PCDHA2: variants seen among roughly 807,000 people sequenced by gnomAD.
The protein encoded by PCDHA2 is protocadherin alpha 2, also known as protocadherin alpha-2.
Under a neutral mutation model 66.0 loss-of-function variants are expected in PCDHA2, and 58 were observed. That is an observed-to-expected ratio of 0.88 (90% CI 0.71 to 1.09). PCDHA2 has a LOEUF of 1.09. PCDHA2 is among the 50% of genes least tolerant of loss of function. The pLI is 0.00. For missense variants in PCDHA2, 1,267 were observed against 1,242.3 expected (o/e 1.02, Z -0.30); for synonymous variants, 634 against 554.0 (o/e 1.14, Z -2.03).
At chr5:140,843,318 T>C (rs2150190993) in intron 1 of PCDHA2, 3 of 1,596,010 alleles carry the variant, frequency 1.9e-6, no homozygotes, top group East Asian at 2.2e-5. Flanking sequence ...GCCACGGTTC[T>C]GGTGTCGCTG....
At chr5:140,871,735 A>T in intron 1 of PCDHA2, 1 of 686,792 alleles carries the variant, frequency 1.5e-6, no homozygotes, top group Non-Finnish European at 2.3e-6. Context: ...TTTGGTTAGC[A>T]AATCCTAAAA....
chr5:140,968,886 A>T, intron 1 of PCDHA2: 1 of 1,614,186 alleles, frequency 6.2e-7, no homozygotes, highest in Non-Finnish European at 8.5e-7. Flanking sequence ...ATTACCCTTT[A>T]TCTAATAATA....
At chr5:140,910,311 A>G (rs928675389) in intron 1 of PCDHA2, among the ~76,000 whole-genome samples, 4 of 152,224 alleles carry the variant, frequency 2.6e-5, no homozygotes, top group African/African-American at 9.6e-5. Context: ...AGAGATCTAC[A>G]TGAGTCAGAC....
At chr5:140,883,390 G>T (rs373348994) in intron 1 of PCDHA2, 4 of 1,614,050 alleles carry the variant, frequency 2.5e-6, no homozygotes, top group East Asian at 4.5e-5. Context: ...TAATCAGTGT[G>T]TCCGATCGTG....
chr5:140,812,838 T>A (rs2126642140), intron 1 of PCDHA2: 1 of 152,368 alleles, frequency 6.6e-6, no homozygotes, highest in East Asian at 1.9e-4. Context: ...TTTGTTTATC[T>A]TAACATATTT....
At position 140,796,413 on chromosome 5, in the gene PCDHA2, C is replaced by A. The variant is rs1762079231; in HGVS notation, c.1449C>A (p.Asp483Glu). ...HIFTVSAWDA[D>E]AQENALVSYS... Reference sequence around the variant, plus strand: ...TCACGGTGTCAGCGTGGGATGCGGACGCGCAGGAGAACGCGCTGGTGTCCT... The same window carrying A: ...TCACGGTGTCAGCGTGGGATGCGGAAGCGCAGGAGAACGCGCTGGTGTCCT... The change falls in exon 1 of 4, where the codon GAC becomes GAA. Residue 483 changes from aspartate to glutamate, a missense_variant. Transcript: ENST00000526136. 1 of 1,613,796 alleles carries A rather than the reference C, an allele frequency of 6.2e-7. No individual in the cohort carries two copies. The highest frequency in any genetic ancestry group is 1.3e-5 in the African/African-American group (1 of 74,890).
chr5:140,985,471 G>A (rs926791157), intron 3 of PCDHA2, among the ~76,000 whole-genome samples: 4 of 152,148 alleles, frequency 2.6e-5, no homozygotes, highest in African/African-American at 9.7e-5. Flanking sequence ...AAAAAATTTG[G>A]TTGTTTCCAG....
chr5:140,980,562 G>A (rs944389305), intron 2 of PCDHA2, among the ~76,000 whole-genome samples: 2 of 152,048 alleles, frequency 1.3e-5, no homozygotes, highest in Non-Finnish European at 2.9e-5. Context: ...CCCGGGAGGC[G>A]GAAGTTGCAG....
rs2150101558 is a variant in PCDHA2, at chr5:140,818,539, A to G, written c.2388+21187A>G. On this transcript the variant is annotated intron_variant, in intron 1 of 3. Coordinates refer to ENST00000526136, the MANE Select transcript of PCDHA2 (RefSeq NM_018905.3). ...ACCTGAGAGATTATCATTTTTCTCC[A>G]TTTAATAATGAATCAGGCCAGGCAT... Among the ~76,000 whole-genome samples, 1,266 of 152,316 alleles carry G rather than the reference A, an allele frequency of 8.3e-3. 19 individuals are homozygous for G. Among genetic ancestry groups the G allele is most frequent in the African/African-American group, 0.029 (1,212 of 41,572 alleles).
At chr5:140,855,534 G>C (rs2043511154) in intron 1 of PCDHA2, among the ~76,000 whole-genome samples, 1 of 149,850 alleles carries the variant, frequency 6.7e-6, no homozygotes, top group Non-Finnish European at 1.5e-5. Context: ...AGAGAAGTAA[G>C]TTAAGTGTCA....
chr5:140,916,174 C>A (rs2077467805), intron 1 of PCDHA2, among the ~76,000 whole-genome samples: 1 of 152,124 alleles, frequency 6.6e-6, no homozygotes, highest in Non-Finnish European at 1.5e-5. Flanking sequence ...AGGCCTGGGA[C>A]TCTTCAAGGA....
rs782298789 is a variant in PCDHA2 at position 140,796,889 on chromosome 5, C to T, written c.1925C>T (p.Ser642Phe). The T allele has an allele frequency of 6.2e-7, 1 of 1,613,936 alleles. No individual in the cohort carries two copies. Among genetic ancestry groups the T allele is most frequent in the Non-Finnish European group, 8.5e-7 (1 of 1,179,984 alleles). The change falls in exon 1 of 4, where the codon TCC becomes TTC. Residue 642 changes from serine to phenylalanine, a missense_variant. By Grantham distance (155) the Ser-to-Phe change is radical. Transcript: ENST00000526136. ...STTRALDEAD[S>F]PRHRLLVLVK... ...ACACGTGCCCTAGACGAGGCTGACT[C>T]CCCTCGACACCGCCTACTCGTGCTG...
rs146932686 is a variant in PCDHA2, at chr5:140,955,010, G to T, written c.2389-23939G>T. 3.9e-3 allele frequency among the ~76,000 whole-genome samples: 599 copies of T among 152,256 alleles called. 6 individuals carry two copies. The highest frequency in any genetic ancestry group is 0.032 in the South Asian group (154 of 4,816). On this transcript the variant is annotated intron_variant, in intron 1 of 3. Transcript: ENST00000526136. ...TGCATATGGCTAGCCAATTCTCCCAGCACCATTTATTAAATAGGGAATCTT... is the reference window on the plus strand; with the variant it reads ...TGCATATGGCTAGCCAATTCTCCCATCACCATTTATTAAATAGGGAATCTT...
chr5:140,999,044 T>TTTC (rs1247197667), intron 3 of PCDHA2, among the ~76,000 whole-genome samples: 1 of 152,342 alleles, frequency 6.6e-6, no homozygotes, highest in East Asian at 1.9e-4. Flanking sequence ...TCCAGTGTGC[T>TTTC]TTCCACCATG....
rs2150170274 is a variant in PCDHA2, at chr5:140,829,569, C to A, written c.2388+32217C>A. The A allele has an allele frequency of 3.7e-6, 6 of 1,612,484 alleles. No homozygotes were observed. The African/African-American group carries it at 4.0e-5, about 11-fold the overall frequency. ...CAGGAGAACGCGCTGGTGTCCTACT[C>A]GCTGGTGGAGCGGCGGGTGGGCGAG... On this transcript the variant is annotated intron_variant, in intron 1 of 3. Transcript: ENST00000526136.
At chr5:140,993,667 C>T (rs2097576739) in intron 3 of PCDHA2, among the ~76,000 whole-genome samples, 1 of 152,052 alleles carries the variant, frequency 6.6e-6, no homozygotes, top group African/African-American at 2.4e-5. Context: ...AACAATGGAC[C>T]ACATATGTGA....
intron 1 of PCDHA2, chr5:140,813,742 T>A (rs1554126321): frequency 6.6e-6 from 1 of 152,378 alleles, no homozygotes; most frequent in Non-Finnish European, 1.5e-5. Flanking sequence ...ATGCCTGTAA[T>A]CCCAGCACTT....
At chr5:140,894,973 C>G (rs1297295605) in intron 1 of PCDHA2, among the ~76,000 whole-genome samples, 1 of 152,076 alleles carries the variant, frequency 6.6e-6, no homozygotes, top group Non-Finnish European at 1.5e-5. Context: ...TTTTTAATGT[C>G]TTACTTTGTG....
intron 1 of PCDHA2, chr5:140,884,006 C>T (rs369069323): frequency 1.2e-6 from 2 of 1,612,906 alleles, no homozygotes; most frequent in African/African-American, 2.7e-5. Context: ...AGTGAGCGAG[C>T]TGATGCCGCG....
Sources: gnomAD v4.1 joint callset for allele counts (sites outside exome capture counted in the v4.1 genomes callset) on GRCh38, gnomAD v4.1.1 for gene constraint, MANE v1.5 for transcripts, NCBI Gene and HGNC (gene_info 2026-07-23, HGNC 2026-07-21) for gene names.